The following ELAVL4 variants were observed in gnomAD, a reference collection of about 807,000 sequenced individuals.
The protein encoded by ELAVL4 is ELAV-like protein 4.
A neutral mutation model predicts 35.6 loss-of-function variants in ELAVL4; 1 was observed. The ratio of observed to expected loss-of-function variants is 0.03; its 90% CI spans 0.01 to 0.13. The LOEUF is 0.13. Ranked by LOEUF, ELAVL4 falls within the 10% of genes least tolerant of loss-of-function variation. The pLI is 1.00. For synonymous variants in ELAVL4, 156 were observed against 171.0 expected (o/e 0.91, Z 0.69); for missense variants, 267 against 464.9 (o/e 0.57, Z 3.91).
chr1:50,166,075 G>T (rs908688827), intron 2 of ELAVL4, among the ~76,000 whole-genome samples: 2 of 151,914 alleles, frequency 1.3e-5, no homozygotes, highest in Admixed American at 6.6e-5. Flanking sequence ...CAGCTGATTA[G>T]ATCGTGCCCA....
At chr1:50,101,412 T>A (rs548650095), upstream of ELAVL4, among the ~76,000 whole-genome samples, 9 of 152,322 alleles carry the variant, frequency 5.9e-5, no homozygotes, top group East Asian at 7.7e-4. Flanking sequence ...ATTATAATAA[T>A]AGATTAAATG....
intron 1 of ELAVL4, among the ~76,000 whole-genome samples, chr1:50,053,145 A>G (rs1557676924): frequency 6.6e-6 from 1 of 152,192 alleles, no homozygotes; most frequent in Non-Finnish European, 1.5e-5. Flanking sequence ...TTTCATTGTA[A>G]TGAAGGTTAA....
At chr1:50,165,382 A>G (rs574678768) in intron 2 of ELAVL4, among the ~76,000 whole-genome samples, 8 of 151,510 alleles carry the variant, frequency 5.3e-5, no homozygotes, top group Non-Finnish European at 1.0e-4. Flanking sequence ...TTACCTGACC[A>G]TCTGTATTAG....
chr1:50,151,545 A>T (rs1572413925), intron 2 of ELAVL4, among the ~76,000 whole-genome samples: 2 of 152,346 alleles, frequency 1.3e-5, no homozygotes, highest in African/African-American at 4.8e-5. Flanking sequence ...AGCCTCATTT[A>T]GGCATATCCA....
intron 1 of ELAVL4, among the ~76,000 whole-genome samples, chr1:50,049,407 A>C (rs1254315117): frequency 6.6e-6 from 1 of 152,246 alleles, no homozygotes; most frequent in East Asian, 1.9e-4. Context: ...AACTCCATTC[A>C]TGAGGGAAGT....
chr1:50,068,214 G>C (rs747605670), intron 1 of ELAVL4, among the ~76,000 whole-genome samples: 26 of 152,212 alleles, frequency 1.7e-4, no homozygotes, highest in Non-Finnish European at 3.1e-4. Context: ...TAGAGATAGG[G>C]GTGGCAAATT....
chr1:50,113,286 T>C (rs939890796), intron 1 of ELAVL4, among the ~76,000 whole-genome samples: 16 of 152,024 alleles, frequency 1.1e-4, no homozygotes, highest in South Asian at 4.1e-4. Flanking sequence ...GTTCTTTTCC[T>C]ATATGTAGGC....
chr1:50,177,214 C>A, intron 3 of ELAVL4, 22 bp downstream of exon 3: 1 of 1,576,756 alleles, frequency 6.3e-7, no homozygotes, highest in Non-Finnish European at 8.7e-7. Flanking sequence ...TGTGCTGGCT[C>A]CTGATTCAGG....
chr1:50,166,674 C>G (rs1451998300), intron 2 of ELAVL4, among the ~76,000 whole-genome samples: 2 of 152,178 alleles, frequency 1.3e-5, no homozygotes, highest in Non-Finnish European at 2.9e-5. Context: ...GTTGTAGCTT[C>G]CCATTGACCT....
chr1:50,104,370 G>A (rs1666150000), upstream of ELAVL4, among the ~76,000 whole-genome samples: 1 of 152,184 alleles, frequency 6.6e-6, no homozygotes, highest in Admixed American at 6.5e-5. Context: ...TAAGACATAT[G>A]GTGAGTGTAC....
intron 1 of ELAVL4, among the ~76,000 whole-genome samples, chr1:50,050,751 A>G (rs928006755): frequency 2.0e-5 from 3 of 152,140 alleles, no homozygotes; most frequent in East Asian, 1.9e-4. Flanking sequence ...AGTACTGCTC[A>G]TTTGCATAAT....
At chr1:50,049,294 G>A (rs958596183) in intron 1 of ELAVL4, among the ~76,000 whole-genome samples, 1 of 152,120 alleles carries the variant, frequency 6.6e-6, no homozygotes, top group African/African-American at 2.4e-5. Context: ...GCATTTGTGC[G>A]CCTAGCTTTT....
chr1:50,123,637 C>CA (rs746750682), intron 1 of ELAVL4, among the ~76,000 whole-genome samples: 2 of 152,056 alleles, frequency 1.3e-5, no homozygotes, highest in Non-Finnish European at 2.9e-5. Flanking sequence ...GGTAGCTTCA[C>CA]AAAACCCAGG....
At chr1:50,078,822 T>C (rs1371636436) in intron 1 of ELAVL4, among the ~76,000 whole-genome samples, 1 of 152,170 alleles carries the variant, frequency 6.6e-6, no homozygotes, top group Non-Finnish European at 1.5e-5. Flanking sequence ...CTCTTCTCCA[T>C]TCCCGTGCCT....
At chr1:50,141,517 C>T (rs1356666085) in intron 1 of ELAVL4, among the ~76,000 whole-genome samples, 7 of 152,160 alleles carry the variant, frequency 4.6e-5, no homozygotes, top group Admixed American at 1.3e-4. Context: ...ACTGCAAAGA[C>T]CCAGAAGGCC....
At chr1:50,062,310 C>T (rs564809793) in intron 1 of ELAVL4, among the ~76,000 whole-genome samples, 2 of 151,988 alleles carry the variant, frequency 1.3e-5, no homozygotes, top group Non-Finnish European at 2.9e-5. Context: ...GAGGAGGGAC[C>T]TAATTTGTGT....
At chr1:50,150,889 TGC>T (rs1674668495) in intron 2 of ELAVL4, among the ~76,000 whole-genome samples, 1 of 152,236 alleles carries the variant, frequency 6.6e-6, no homozygotes. Context: ...TTTTTGTGTG[TGC>T]CTTAATATGT....
intron 3 of ELAVL4, among the ~76,000 whole-genome samples, chr1:50,185,928 C>G (rs973578910): frequency 6.6e-6 from 1 of 152,126 alleles, no homozygotes; most frequent in Non-Finnish European, 1.5e-5. Flanking sequence ...GAGACTGAAT[C>G]TGGGGCCCTG....
At chr1:50,048,104 C>G (rs1465873963) in exon 1 of ELAVL4, 38 of 1,458,078 alleles carry the variant, frequency 2.6e-5, no homozygotes, top group Non-Finnish European at 3.2e-5. Flanking sequence ...CGTCTTCCCG[C>G]CCGCCGCGCT....
Sources: gnomAD v4.1 joint callset for allele counts (sites outside exome capture counted in the v4.1 genomes callset) on GRCh38, gnomAD v4.1.1 for gene constraint, MANE v1.5 for transcripts, NCBI Gene and HGNC (gene_info 2026-07-23, HGNC 2026-07-21) for gene names.